The following MKLN1 variants were observed in gnomAD, a reference collection of about 807,000 sequenced individuals.
MKLN1 encodes muskelin 1.
In MKLN1, 18 loss-of-function variants were observed where a neutral mutation model predicts 99.0. The observed-to-expected ratio is 0.18, with a 90% confidence interval of 0.13 to 0.27. The LOEUF (loss-of-function observed/expected upper bound fraction) is 0.27, where lower values mean the gene tolerates loss of function less well. MKLN1 is among the 10% of genes least tolerant of loss of function. The pLI is 1.00. For missense variants in MKLN1, 621 were observed against 875.9 expected, an observed-to-expected ratio of 0.71 and a Z score of 3.67; for synonymous variants, 288 against 293.2, an observed-to-expected ratio of 0.98 and a Z score of 0.18.
rs987402870 is a variant in MKLN1, at chr7:131,315,337, C to A, written c.-178-60087C>A. Among the ~76,000 whole-genome samples, 12 of 152,132 alleles carry A rather than the reference C, an allele frequency of 7.9e-5. No individual in the cohort carries two copies. In the South Asian group the frequency reaches 1.2e-3, roughly 16 times the overall value. ...GAGCTGGGGGACCTCCCTCCCCTAG[C>A]CAAGGGAAGCCGTGAGGGACTGTGC... On this transcript the variant is annotated intron_variant, in intron 3 of 7. Transcript: ENST00000416992.
intron 3 of MKLN1, among the ~76,000 whole-genome samples, chr7:131,303,404 T>C (rs987641022): frequency 3.3e-5 from 5 of 152,260 alleles, no homozygotes; most frequent in African/African-American, 1.2e-4. Flanking sequence ...CTGAAATTAC[T>C]TTCTCCTGGA....
chr7:131,392,043 T>G (rs1351686217), intron 4 of MKLN1, among the ~76,000 whole-genome samples: 1 of 151,964 alleles, frequency 6.6e-6, no homozygotes, highest in African/African-American at 2.4e-5. Flanking sequence ...CAAGTTAAAG[T>G]TTGGGAAGGG....
At chr7:131,268,443 T>C (rs1797838973) in intron 3 of MKLN1, among the ~76,000 whole-genome samples, 1 of 152,200 alleles carries the variant, frequency 6.6e-6, no homozygotes, top group African/African-American at 2.4e-5. Context: ...CATGCAAATA[T>C]TGTTCTTGTC....
chr7:131,435,994 G>A (rs1487849585), intron 9 of MKLN1, among the ~76,000 whole-genome samples: 1 of 151,770 alleles, frequency 6.6e-6, no homozygotes, highest in Non-Finnish European at 1.5e-5. Context: ...AAAATTTCAA[G>A]TTTTACACTC....
intron 1 of MKLN1, among the ~76,000 whole-genome samples, chr7:131,140,402 C>T (rs185545333): frequency 3.2e-3 from 490 of 152,218 alleles, no homozygotes; most frequent in South Asian, 6.4e-3. Context: ...ATTTCATCCC[C>T]AGCATTGGAG....
chr7:131,489,375 A>G lies in MKLN1; in HGVS notation c.*1647A>G, dbSNP rs1429097296. 2 of 152,272 alleles carry G rather than the reference A, an allele frequency of 1.3e-5. No homozygotes were observed. Among genetic ancestry groups the G allele is most frequent in the East Asian group, 3.9e-4 (2 of 5,182 alleles). 9.4% of individuals were successfully genotyped at this position (152,272 alleles called of 1,614,324 possible). On this transcript the variant is annotated 3_prime_UTR_variant, in exon 18 of 18. Coordinates refer to ENST00000352689, the MANE Select transcript of MKLN1 (RefSeq NM_013255.5). Reference sequence around the variant, plus strand: ...CCTTTACTTGTGAAAGGTATGCTATATAATTCAGCAAGTACCAACTTGTGT... The same window carrying G: ...CCTTTACTTGTGAAAGGTATGCTATGTAATTCAGCAAGTACCAACTTGTGT...
intron 1 of MKLN1, among the ~76,000 whole-genome samples, chr7:131,341,133 C>T (rs1038878435): frequency 1.3e-5 from 2 of 150,272 alleles, no homozygotes; most frequent in Admixed American, 6.6e-5. Flanking sequence ...GGGATCATTT[C>T]CTCTAATTCT....
chr7:131,142,972 T>G, intron 2 of MKLN1: 1 of 1,298,338 alleles, frequency 7.7e-7, no homozygotes, highest in Non-Finnish European at 1.0e-6. Context: ...TTTTTCTTTC[T>G]TTAGTTGTCA....
chr7:131,340,435 C>T (rs1039637348), intron 1 of MKLN1, among the ~76,000 whole-genome samples: 1 of 151,870 alleles, frequency 6.6e-6, no homozygotes, highest in Non-Finnish European at 1.5e-5. Context: ...CGCACCACCA[C>T]GCCTGGCTAA....
chr7:131,471,339 T>G lies in MKLN1; in HGVS notation c.2031+395T>G, dbSNP rs1418883542. 3.9e-5 allele frequency among the ~76,000 whole-genome samples: 6 copies of G among 152,186 alleles called. 1 individual carries two copies. Among genetic ancestry groups the G allele is most frequent in the Admixed American group, 2.0e-4 (3 of 15,282 alleles). On this transcript the variant is annotated intron_variant, in intron 16 of 17. Coordinates refer to ENST00000352689, the MANE Select transcript of MKLN1 (RefSeq NM_013255.5). Reference sequence around the variant, plus strand: ...AAGAGAGGAAAGAAAACTCCCCTGTTGCTTAGGGAGAAAATGAAGAGAGGT... The same window carrying G: ...AAGAGAGGAAAGAAAACTCCCCTGTGGCTTAGGGAGAAAATGAAGAGAGGT...
chr7:131,220,613 G>C (rs976899401), intron 3 of MKLN1, among the ~76,000 whole-genome samples: 1 of 152,202 alleles, frequency 6.6e-6, no homozygotes, highest in Non-Finnish European at 1.5e-5. Context: ...GAGGTCATCA[G>C]TTGGTAGAAG....
At chr7:131,355,996 T>G (rs1310741881) in intron 1 of MKLN1, among the ~76,000 whole-genome samples, 1 of 152,032 alleles carries the variant, frequency 6.6e-6, no homozygotes, top group Non-Finnish European at 1.5e-5. Flanking sequence ...TAGAACAGTT[T>G]TAGATTTACT....
Position 131,338,166 on chromosome 7 carries a change from C to A in MKLN1, c.98+10169C>A, listed in dbSNP as rs533987356. ...AAAGCTCCTTCTTCCTTTTTAATTG[C>A]TTTCTGCTGGCTTTTTAGCCTTTTG... On this transcript the variant is annotated intron_variant, in intron 1 of 17. Transcript: ENST00000352689. Among the ~76,000 whole-genome samples, 4 of 152,298 alleles carry A rather than the reference C, an allele frequency of 2.6e-5. No individual in the cohort carries two copies. In the South Asian group the frequency reaches 8.3e-4, roughly 32 times the overall value.
chr7:131,129,963 G>T (rs1457202379), intron 1 of MKLN1, among the ~76,000 whole-genome samples: 1 of 152,112 alleles, frequency 6.6e-6, no homozygotes, highest in East Asian at 1.9e-4. Context: ...TGTGGTAGTG[G>T]ATTTATAATT....
intron 3 of MKLN1, among the ~76,000 whole-genome samples, chr7:131,252,685 C>G (rs1384049119): frequency 6.6e-6 from 1 of 152,056 alleles, no homozygotes; most frequent in Non-Finnish European, 1.5e-5. Flanking sequence ...AGAAGAGGTT[C>G]ACTGGCTTAG....
At chr7:131,311,999 AT>A (rs368580793) in intron 3 of MKLN1, among the ~76,000 whole-genome samples, 18 of 150,698 alleles carry the variant, frequency 1.2e-4, no homozygotes, top group Non-Finnish European at 2.2e-4. Flanking sequence ...TCAGGCAGGT[AT>A]TTTTTTTTGT....
At chr7:131,119,135 T>C (rs1343536615) in intron 1 of MKLN1, among the ~76,000 whole-genome samples, 1 of 152,230 alleles carries the variant, frequency 6.6e-6, no homozygotes, top group East Asian at 1.9e-4. Context: ...ACTTCCAAGA[T>C]ACGATGGGGG....
chr7:131,323,997 A>T (rs1160115175), upstream of MKLN1: 1 of 152,168 alleles, frequency 6.6e-6, no homozygotes, highest in East Asian at 1.9e-4. Context: ...TATAAAATGA[A>T]ACCACTGGTG....
intron 3 of MKLN1, among the ~76,000 whole-genome samples, chr7:131,215,729 T>C (rs1796971147): frequency 6.6e-6 from 1 of 152,252 alleles, no homozygotes; most frequent in African/African-American, 2.4e-5. Context: ...GTCTTTTCTT[T>C]TTCTCTACTG....
Sources: allele counts gnomAD v4.1 joint callset (sites outside exome capture counted in the v4.1 genomes callset), GRCh38; gene constraint gnomAD v4.1.1; transcripts MANE v1.5; gene names NCBI Gene and HGNC (gene_info 2026-07-23, HGNC 2026-07-21).